The following TBPL2 variants were observed in gnomAD, a reference collection of about 807,000 sequenced individuals.
TBPL2 encodes TATA box-binding protein-like 2.
TBPL2 carries 40 observed loss-of-function variants against 38.2 expected under a neutral mutation model. The ratio of observed to expected loss-of-function variants is 1.05; its 90% CI spans 0.81 to 1.36. The LOEUF is 1.36. Among genes scored for constraint, TBPL2 ranks in the 40% most tolerant of loss-of-function variants. The pLI, the probability that TBPL2 is intolerant of heterozygous loss-of-function variation, is 0.00. For missense variants in TBPL2, 461 were observed against 456.7 expected (o/e 1.01, Z -0.09); for synonymous variants, 169 against 171.7 (o/e 0.98, Z 0.12).
chr14:55,427,694 G>A (rs1364840334), intron 5 of TBPL2, among the ~76,000 whole-genome samples: 2 of 152,040 alleles, frequency 1.3e-5, no homozygotes, highest in African/African-American at 4.8e-5. Context: ...CCTGGGATGG[G>A]AGAGCCACCA....
intron 3 of TBPL2, among the ~76,000 whole-genome samples, chr14:55,435,155 G>A (rs1885993122): frequency 6.6e-6 from 1 of 152,158 alleles, no homozygotes; most frequent in Admixed American, 6.5e-5. Context: ...AGCCTTCTCA[G>A]ATAAGAGGAA....
intron 4 of TBPL2, among the ~76,000 whole-genome samples, chr14:55,431,733 G>A (rs928287086): frequency 3.3e-5 from 5 of 152,142 alleles, no homozygotes; most frequent in African/African-American, 1.2e-4. Flanking sequence ...TCTGAGTACC[G>A]ACTGATCATT....
At position 55,428,119 on chromosome 14, in the gene TBPL2, CTTTTTTTTTTT is replaced by C. The variant is rs567342581; in HGVS notation, c.956+677_956+687del. The stretch of plus-strand genomic sequence containing the variant: ...GCCTAGTCCATTTCACATGCCTTAT[CTTTTTTTTTTT>C]TTTTTTTTTTTTTTTTTGAGACGGA... On this transcript the variant is annotated intron_variant, in intron 5 of 6. Coordinates refer to ENST00000247219, the Ensembl canonical transcript of TBPL2. 5.8e-4 allele frequency among the ~76,000 whole-genome samples: 25 copies of C among 43,360 alleles called. 1 individual carries two copies. Among genetic ancestry groups the C allele is most frequent in the South Asian group, 4.3e-3 (4 of 924 alleles). The allele number at this position is 43,360 out of a possible 152,430, so 28.4% of individuals were successfully genotyped here. A position where few individuals can be genotyped will look rare whatever the true frequency, so the allele number is the denominator to read the frequency against.
chr14:55,432,444 C>CAA (rs371752274), intron 4 of TBPL2, among the ~76,000 whole-genome samples: 1 of 147,438 alleles, frequency 6.8e-6, no homozygotes, highest in African/African-American at 2.5e-5. Flanking sequence ...AAACAAACAA[C>CAA]AAAAAAAACA....
At chr14:55,436,587 T>C in exon 2 of TBPL2, 1 of 1,614,168 alleles carries the variant, frequency 6.2e-7, no homozygotes, top group Non-Finnish European at 8.5e-7. Flanking sequence ...TTCCACAACA[T>C]TCTGAAATAG....
At chr14:55,415,800 G>A (rs980338869) in intron 6 of TBPL2, among the ~76,000 whole-genome samples, 54 of 152,106 alleles carry the variant, frequency 3.6e-4, no homozygotes, top group African/African-American at 1.3e-3. Context: ...TGGGAGGCGG[G>A]GGTTGCAATG....
intron 6 of TBPL2, among the ~76,000 whole-genome samples, chr14:55,417,265 T>C (rs1193448153): frequency 3.9e-5 from 6 of 152,090 alleles, no homozygotes; most frequent in Non-Finnish European, 5.9e-5. Flanking sequence ...CAAATCAACA[T>C]TGCCAGTATT....
chr14:55,437,091 T>G, intron 1 of TBPL2, 73 bp from the exon 2 acceptor site: 1 of 1,347,002 alleles, frequency 7.4e-7, no homozygotes, highest in Admixed American at 1.7e-5. Flanking sequence ...GGGATGTCAC[T>G]ATGGCAGGCA....
chr14:55,420,563 C>T (rs1228624559), intron 6 of TBPL2, among the ~76,000 whole-genome samples: 1 of 152,162 alleles, frequency 6.6e-6, no homozygotes. Context: ...TTTTACTTCA[C>T]AGTATAAGCA....
chr14:55,420,140 G>T (rs985218036), intron 6 of TBPL2, among the ~76,000 whole-genome samples: 11 of 152,080 alleles, frequency 7.2e-5, no homozygotes, highest in Non-Finnish European at 1.5e-4. Flanking sequence ...GCACGATCTC[G>T]GCTCACTGCA....
At chr14:55,438,872 G>A (rs1337572823) in intron 1 of TBPL2, 1 of 147,124 alleles carries the variant, frequency 6.8e-6, no homozygotes, top group Non-Finnish European at 1.5e-5. Context: ...CTACCTCAGT[G>A]CTGATCATTG....
At chr14:55,427,642 T>C (rs982440848) in intron 5 of TBPL2, among the ~76,000 whole-genome samples, 7 of 150,574 alleles carry the variant, frequency 4.6e-5, no homozygotes, top group Admixed American at 1.3e-4. Context: ...AGTCAAGGGG[T>C]TTGGTGTCCA....
exon 6 of TBPL2, chr14:55,424,168 C>T: frequency 1.2e-6 from 2 of 1,612,118 alleles, no homozygotes; most frequent in Non-Finnish European, 1.7e-6. Context: ...CCTGTCAACA[C>T]AACTTTTCCA....
At chr14:55,428,773 T>G in intron 5 of TBPL2, 34 bp downstream of exon 5, 2 of 1,580,786 alleles carry the variant, frequency 1.3e-6, no homozygotes, top group Non-Finnish European at 1.7e-6. Flanking sequence ...AATATCTTGG[T>G]AAATTCAAAG....
chr14:55,439,617 C>A lies in TBPL2; in HGVS notation c.150+779G>T, dbSNP rs868154279. The stretch of plus-strand genomic sequence containing the variant: ...ACCAGCCTGGGGAGAAAAGCAAACC[C>A]CCCCCCGTCTCTACTAAAAAATACA... On this transcript the variant is annotated intron_variant, in intron 1 of 6. Coordinates refer to ENST00000247219, the Ensembl canonical transcript of TBPL2. 8.3e-5 allele frequency among the ~76,000 whole-genome samples: 6 copies of A among 72,628 alleles called. 1 individual carries two copies. The highest frequency in any genetic ancestry group is 4.5e-5 in the African/African-American group (1 of 22,232). 47.6% of individuals were successfully genotyped at this position (72,628 alleles called of 152,430 possible).
chr14:55,433,660 G>A (rs1192632139), exon 4 of TBPL2: 19 of 1,613,958 alleles, frequency 1.2e-5, no homozygotes, highest in Non-Finnish European at 1.5e-5. Flanking sequence ...CATCTTCCCA[G>A]AGCTAAATAT....
intron 6 of TBPL2, among the ~76,000 whole-genome samples, chr14:55,416,730 C>T (rs1250854065): frequency 6.6e-6 from 1 of 152,142 alleles, no homozygotes; most frequent in African/African-American, 2.4e-5. Context: ...ACTTTTTGGG[C>T]TTCTAGCTGC....
At chr14:55,422,437 G>C (rs1351302855) in intron 6 of TBPL2, among the ~76,000 whole-genome samples, 2 of 152,130 alleles carry the variant, frequency 1.3e-5, no homozygotes, top group African/African-American at 4.8e-5. Context: ...TTTTAGTAGA[G>C]ACAGGGTTTC....
intron 6 of TBPL2, among the ~76,000 whole-genome samples, chr14:55,423,241 G>A (rs867699642): frequency 6.6e-6 from 1 of 152,206 alleles, no homozygotes. Flanking sequence ...GTACCATTTT[G>A]TTTGGAATGC....
Sources: gnomAD v4.1 joint callset for allele counts (sites outside exome capture counted in the v4.1 genomes callset) on GRCh38, gnomAD v4.1.1 for gene constraint, MANE v1.5 for transcripts, NCBI Gene and HGNC (gene_info 2026-07-23, HGNC 2026-07-21) for gene names.